ACTR3C: variants seen among roughly 807,000 people sequenced by gnomAD.
ACTR3C encodes the protein actin-related protein 3C.
ACTR3C carries 18 observed loss-of-function variants against 26.3 expected under a neutral mutation model. The observed-to-expected ratio is 0.68, with a 90% CI of 0.47 to 1.01. The LOEUF (loss-of-function observed/expected upper bound fraction) is 1.01, where lower values mean the gene tolerates loss of function less well. Among genes scored for constraint, ACTR3C ranks in the 50% least tolerant of loss-of-function variants. ACTR3C has a pLI of 0.00. For synonymous variants in ACTR3C, 55 were observed against 94.5 expected (o/e 0.58, Z 2.42); for missense variants, 184 against 250.7 (o/e 0.73, Z 1.80).
chr7:150,316,405 C>T (rs1032654486), intron 1 of ACTR3C, among the ~76,000 whole-genome samples: 1 of 152,024 alleles, frequency 6.6e-6, no homozygotes, highest in African/African-American at 2.4e-5. Flanking sequence ...CCTACCAACC[C>T]CCAGCCACTA....
At chr7:150,022,341 T>G in the ACTR3C span, among the ~76,000 whole-genome samples, 1 of 151,602 alleles carries the variant, frequency 6.6e-6, no homozygotes, top group Non-Finnish European at 1.5e-5. Flanking sequence ...GCTGATTTGT[T>G]TGAGTTCCTT....
At chr7:150,306,903 A>G (rs1270945232) in intron 1 of ACTR3C, among the ~76,000 whole-genome samples, 1 of 152,272 alleles carries the variant, frequency 6.6e-6, no homozygotes, top group African/African-American at 2.4e-5. Context: ...GTATTATACT[A>G]TAAGATAATT....
chr7:150,181,520 A>G, the ACTR3C span, among the ~76,000 whole-genome samples: 2 of 150,548 alleles, frequency 1.3e-5, no homozygotes, highest in Non-Finnish European at 2.9e-5. Flanking sequence ...GGTTGAGACC[A>G]GGATTCAAAG....
chr7:150,183,738 C>T, the ACTR3C span, among the ~76,000 whole-genome samples: 1 of 143,342 alleles, frequency 7.0e-6, no homozygotes, highest in Non-Finnish European at 1.5e-5. Flanking sequence ...GTCAGAAACA[C>T]CTGAATGTAC....
chr7:150,039,005 GC>G, the ACTR3C span, among the ~76,000 whole-genome samples: 167 of 46,714 alleles, frequency 3.6e-3, 38 homozygotes, highest in South Asian at 0.092. Flanking sequence ...GAGCCGGGGG[GC>G]GGGGAAGAGG....
At chr7:150,295,220 G>A in intron 2 of ACTR3C, 32 bp downstream of exon 2, 13 of 1,611,448 alleles carry the variant, frequency 8.1e-6, no homozygotes, top group Non-Finnish European at 1.1e-5. Context: ...CAGCTCAGGT[G>A]CTTTAGGAAT....
the ACTR3C span, among the ~76,000 whole-genome samples, chr7:150,160,706 C>T: frequency 6.6e-6 from 1 of 151,782 alleles, no homozygotes; most frequent in African/African-American, 2.4e-5. Context: ...CCCTGAATTG[C>T]AGGAGCTTAG....
At chr7:149,908,403 T>C in the ACTR3C span, among the ~76,000 whole-genome samples, 5 of 152,044 alleles carry the variant, frequency 3.3e-5, no homozygotes, top group East Asian at 7.7e-4. Context: ...ATCTAGAAAA[T>C]CACATTCATG....
the ACTR3C span, among the ~76,000 whole-genome samples, chr7:149,917,913 TCA>T: frequency 6.6e-5 from 10 of 151,854 alleles, no homozygotes; most frequent in South Asian, 1.5e-3. Flanking sequence ...TTAAGATTTT[TCA>T]CAGTTTAAAC....
chr7:150,103,804 C>T, the ACTR3C span, among the ~76,000 whole-genome samples: 49 of 152,116 alleles, frequency 3.2e-4, 1 homozygote, highest in Non-Finnish European at 2.8e-4. Context: ...ATATAACATA[C>T]ATACACATGA....
the ACTR3C span, among the ~76,000 whole-genome samples, chr7:149,906,575 G>T: frequency 6.6e-6 from 1 of 151,448 alleles, no homozygotes; most frequent in African/African-American, 2.4e-5. Flanking sequence ...GGGATTACAG[G>T]CACCCGCCAC....
rs184508970 is a variant in ACTR3C at position 150,271,152 on chromosome 7, C to T, written c.564+13601G>A. The stretch of plus-strand genomic sequence containing the variant: ...TGGTCAGTGGCTGTAAAAACCTCCA[C>T]GTCTGACACAGTGGGAAATGGAGGA... On this transcript the variant is annotated intron_variant, in intron 6 of 7. Transcript: ENST00000683684. 4.2e-3 allele frequency among the ~76,000 whole-genome samples: 574 copies of T among 136,648 alleles called. 126 individuals are homozygous for T. Among genetic ancestry groups the T allele is most frequent in the African/African-American group, 0.014 (401 of 29,540 alleles). 89.6% of individuals were successfully genotyped at this position (136,648 alleles called of 152,430 possible).
At chr7:150,137,292 A>T in the ACTR3C span, among the ~76,000 whole-genome samples, 1 of 152,024 alleles carries the variant, frequency 6.6e-6, no homozygotes, top group East Asian at 1.9e-4. Context: ...CAACCTGGGC[A>T]CCTTCTCCAG....
At chr7:150,159,947 A>C in the ACTR3C span, among the ~76,000 whole-genome samples, 1 of 151,888 alleles carries the variant, frequency 6.6e-6, no homozygotes, top group Non-Finnish European at 1.5e-5. Flanking sequence ...TGGGCCTGCC[A>C]TCATGCCTGG....
At chr7:150,081,705 T>G in the ACTR3C span, among the ~76,000 whole-genome samples, 1 of 151,506 alleles carries the variant, frequency 6.6e-6, no homozygotes, top group African/African-American at 2.5e-5. Context: ...ATATTTCCCC[T>G]ACAAACTTGC....
At chr7:149,990,054 T>C in the ACTR3C span, among the ~76,000 whole-genome samples, 1 of 152,126 alleles carries the variant, frequency 6.6e-6, no homozygotes. Flanking sequence ...GCCCCTGATC[T>C]GAACCTTCAT....
the ACTR3C span, among the ~76,000 whole-genome samples, chr7:150,236,603 A>G: frequency 0.19 from 28,549 of 151,608 alleles, 4,704 homozygotes; most frequent in African/African-American, 0.44. Flanking sequence ...ACTTTCTGCC[A>G]TGATGAAAGA....
the ACTR3C span, among the ~76,000 whole-genome samples, chr7:149,982,141 T>A: frequency 6.6e-6 from 1 of 152,146 alleles, no homozygotes; most frequent in Non-Finnish European, 1.5e-5. Context: ...ATCGGTTGAC[T>A]GAGGTGGAAG....
At chr7:150,064,520 A>G in the ACTR3C span, among the ~76,000 whole-genome samples, 12 of 150,632 alleles carry the variant, frequency 8.0e-5, no homozygotes, top group Non-Finnish European at 1.5e-4. Context: ...CACTGAGATC[A>G]CACCCACTGT....
Sources: allele counts gnomAD v4.1 joint callset (sites outside exome capture counted in the v4.1 genomes callset), GRCh38; gene constraint gnomAD v4.1.1; transcripts MANE v1.5; gene names NCBI Gene and HGNC (gene_info 2026-07-23, HGNC 2026-07-21).